ARL6IP5: variants seen among roughly 807,000 people sequenced by gnomAD.
ARL6IP5 encodes the protein PRA1 family protein 3.
A neutral mutation model predicts 13.0 loss-of-function variants in ARL6IP5; 6 were observed. That is an observed-to-expected ratio of 0.46 (90% CI 0.25 to 0.91). The LOEUF (loss-of-function observed/expected upper bound fraction) is 0.91, where lower values mean the gene tolerates loss of function less well. Ranked by LOEUF, ARL6IP5 falls within the 40% of genes least tolerant of loss-of-function variation. The probability of loss-of-function intolerance (pLI) is 0.17; values close to 1 mark genes in which losing one functional copy is unlikely to be tolerated. For synonymous variants in ARL6IP5, 91 were observed against 91.9 expected (o/e 0.99, Z 0.06); for missense variants, 208 against 248.8 (o/e 0.84, Z 1.10).
At chr3:69,101,070 GACTGTAT>G (rs754794927) in intron 1 of ARL6IP5, among the ~76,000 whole-genome samples, 16 of 152,062 alleles carry the variant, frequency 1.1e-4, no homozygotes, top group Non-Finnish European at 2.1e-4. Context: ...ACAAAAATGT[GACTGTAT>G]ACTGGATCTA....
At position 69,105,618 on chromosome 3, in the gene ARL6IP5, G is replaced by A. The variant is rs2092320084; in HGVS notation, c.*982G>A. 6.6e-6 allele frequency: 1 copy of A among 152,170 alleles called. No individual in the cohort carries two copies. The highest frequency in any genetic ancestry group is 2.1e-4 in the South Asian group (1 of 4,832). 9.4% of individuals were successfully genotyped at this position (152,170 alleles called of 1,614,324 possible). On this transcript the variant is annotated 3_prime_UTR_variant, in exon 3 of 3. Transcript: ENST00000273258. ...CCAAGCAAAAAGACTTTAAAAAATGGTAATGAAAATGGAATGCAGCTACTG... is the reference window on the plus strand; with the variant it reads ...CCAAGCAAAAAGACTTTAAAAAATGATAATGAAAATGGAATGCAGCTACTG...
chr3:69,105,915 A>G lies in ARL6IP5; in HGVS notation c.*1279A>G, dbSNP rs1371725110. 2.0e-5 allele frequency: 3 copies of G among 152,196 alleles called. No homozygotes were observed. The highest frequency in any genetic ancestry group is 7.2e-5 in the African/African-American group (3 of 41,454). The allele number at this position is 152,196 out of a possible 1,614,324, so 9.4% of individuals were successfully genotyped here. ...TCTGTATGTCCTAGAATAAGAAGCA[A>G]TGATGTGCTGCTTCTGATTTTTCTT... On this transcript the variant is annotated 3_prime_UTR_variant, in exon 3 of 3. Transcript: ENST00000273258.
At chr3:69,093,157 A>T (rs2092274982) in intron 1 of ARL6IP5, among the ~76,000 whole-genome samples, 1 of 152,170 alleles carries the variant, frequency 6.6e-6, no homozygotes, top group Non-Finnish European at 1.5e-5. Flanking sequence ...AACAAAAGAA[A>T]ATCTGGAGGT....
In ARL6IP5 at chr3:69,105,818, A is replaced by T. The variant is rs1221734082; in HGVS notation, c.*1182A>T. On this transcript the variant is annotated 3_prime_UTR_variant, in exon 3 of 3. Transcript: ENST00000273258. ...TGCCAATTGAATGATTTCGTAGCTG[A>T]AGTAGAAACATTTAGGTTTCTGTAG... The T allele has an allele frequency of 6.6e-6, 1 of 152,220 alleles. No individual in the cohort carries two copies. The highest frequency in any genetic ancestry group is 1.5e-5 in the Non-Finnish European group (1 of 68,036). The allele number at this position is 152,220 out of a possible 1,614,324, so 9.4% of individuals were successfully genotyped here. A position where few individuals can be genotyped will look rare whatever the true frequency, so the allele number is the denominator to read the frequency against.
Position 69,105,175 on chromosome 3 carries a change from C to T in ARL6IP5, c.*539C>T. ...TGATGTGCAGTGGAAACTGGTTAAG[C>T]CAGTTGTTCATACTTCCTTTACAAA... On this transcript the variant is annotated 3_prime_UTR_variant, in exon 3 of 3. Coordinates refer to ENST00000273258, the MANE Select transcript of ARL6IP5 (RefSeq NM_006407.4). 3.1e-6 allele frequency: 1 copy of T among 322,776 alleles called. No homozygotes were observed. Among genetic ancestry groups the T allele is most frequent in the South Asian group, 6.0e-5 (1 of 16,648 alleles). 20.0% of individuals were successfully genotyped at this position (322,776 alleles called of 1,614,324 possible).
intron 1 of ARL6IP5, among the ~76,000 whole-genome samples, 187 bp downstream of exon 1, chr3:69,085,410 T>G (rs1195175394): frequency 6.6e-6 from 1 of 152,220 alleles, no homozygotes; most frequent in Non-Finnish European, 1.5e-5. Context: ...GGGCCCCATT[T>G]TCTGCACCAA....
At position 69,103,037 on chromosome 3, in the gene ARL6IP5, C is replaced by G. The variant is rs142354319; in HGVS notation, c.394+981C>G. Among the ~76,000 whole-genome samples the G allele has an allele frequency of 3.3e-4, 51 of 152,300 alleles. No individual in the cohort carries two copies. The East Asian group carries it at 9.1e-3, about 27-fold the overall frequency. ...CTTTCAATAACATTTGACATGTGCA[C>G]TTATTCCACTAAATGAAATTATTTG... On this transcript the variant is annotated intron_variant, in intron 2 of 2. Coordinates refer to ENST00000273258, the MANE Select transcript of ARL6IP5 (RefSeq NM_006407.4).
rs1414902008 is a variant in ARL6IP5, at chr3:69,105,041, A to G, written c.*405A>G. The stretch of plus-strand genomic sequence containing the variant: ...AAAGGCTGTTAAAGTAGATGACATC[A>G]TGTGTTAGCCTGTTCCTAATCCCCT... On this transcript the variant is annotated 3_prime_UTR_variant, in exon 3 of 3. Transcript: ENST00000273258. The G allele has an allele frequency of 8.2e-6, 5 of 612,814 alleles. No homozygotes were observed. In the Admixed American group the frequency reaches 1.4e-4, roughly 18 times the overall value. 38.0% of individuals were successfully genotyped at this position (612,814 alleles called of 1,614,324 possible).
At position 69,101,858 on chromosome 3, in the gene ARL6IP5, A is replaced by C. The variant is rs1239280702; in HGVS notation, c.196A>C (p.Met66Leu). 6.2e-7 allele frequency: 1 copy of C among 1,613,550 alleles called. No homozygotes were observed. The highest frequency in any genetic ancestry group is 8.5e-7 in the Non-Finnish European group (1 of 1,179,820). ...TTTCAGGTTTCTGAGTCCCTTCAACATGATCCTGGGAGGAATCGTGGTGGT... is the reference window on the plus strand; with the variant it reads ...TTTCAGGTTTCTGAGTCCCTTCAACCTGATCCTGGGAGGAATCGTGGTGGT... ...SIVGFLSPFNMILGGIVVVLV... is the reference protein window; with the variant it reads ...SIVGFLSPFNLILGGIVVVLV... The change falls in exon 2 of 3, where the codon ATG becomes CTG. Residue 66 changes from methionine (M) to leucine (L), a missense_variant. Transcript: ENST00000273258.
rs1392283235 is a variant in ARL6IP5 at position 69,085,014 on chromosome 3, A to G, written c.-34A>G. On this transcript the variant is annotated 5_prime_UTR_variant, in exon 1 of 3. Coordinates refer to ENST00000273258, the MANE Select transcript of ARL6IP5 (RefSeq NM_006407.4). ...ATCGGTTGCCGCCGCCGCCGCCGCC[A>G]GATTCTGGAGGCGAAGAACGCAAAG... 6.2e-7 allele frequency: 1 copy of G among 1,602,716 alleles called. No homozygotes were observed. The highest frequency in any genetic ancestry group is 1.3e-5 in the African/African-American group (1 of 74,662).
In ARL6IP5 at chr3:69,105,166, C is replaced by G. The variant is rs754399448; in HGVS notation, c.*530C>G. ...CCACCTGTTTGATGTGCAGTGGAAA[C>G]TGGTTAAGCCAGTTGTTCATACTTC... On this transcript the variant is annotated 3_prime_UTR_variant, in exon 3 of 3. Transcript: ENST00000273258. The G allele has an allele frequency of 6.5e-5, 22 of 340,276 alleles. No individual in the cohort carries two copies. Among genetic ancestry groups the G allele is most frequent in the Non-Finnish European group, 1.0e-4 (19 of 187,680 alleles). The allele number at this position is 340,276 out of a possible 1,614,324, so 21.1% of individuals were successfully genotyped here. A position where few individuals can be genotyped will look rare whatever the true frequency, so the allele number is the denominator to read the frequency against.
chr3:69,099,353 G>T (rs1226969706), intron 1 of ARL6IP5, among the ~76,000 whole-genome samples: 1 of 152,028 alleles, frequency 6.6e-6, no homozygotes, highest in Non-Finnish European at 1.5e-5. Context: ...CCTGGGCAAT[G>T]AGTGAAACTC....
intron 1 of ARL6IP5, among the ~76,000 whole-genome samples, chr3:69,096,790 G>A (rs1352351219): frequency 6.6e-6 from 1 of 151,874 alleles, no homozygotes; most frequent in Non-Finnish European, 1.5e-5. Flanking sequence ...TTTTAGTAGA[G>A]ACGGGGTTTC....
At chr3:69,096,452 T>C (rs1270262314) in intron 1 of ARL6IP5, among the ~76,000 whole-genome samples, 1 of 152,192 alleles carries the variant, frequency 6.6e-6, no homozygotes, top group Non-Finnish European at 1.5e-5. Context: ...TTTTAATAAG[T>C]ATTCCAGAAT....
chr3:69,103,407 G>A (rs1214480907), intron 2 of ARL6IP5, among the ~76,000 whole-genome samples: 1 of 152,198 alleles, frequency 6.6e-6, no homozygotes, highest in Non-Finnish European at 1.5e-5. Flanking sequence ...AAAGTAAGGA[G>A]ATTAGATAAG....
intron 1 of ARL6IP5, among the ~76,000 whole-genome samples, chr3:69,101,105 T>C (rs1381199082): frequency 6.6e-6 from 1 of 152,164 alleles, no homozygotes; most frequent in African/African-American, 2.4e-5. Context: ...GAGGCCATTA[T>C]GTGGCCTGTA....
At chr3:69,097,328 T>G (rs185337633) in intron 1 of ARL6IP5, among the ~76,000 whole-genome samples, 2 of 150,754 alleles carry the variant, frequency 1.3e-5, no homozygotes, top group Admixed American at 1.3e-4. Context: ...CCTGGCTAAT[T>G]TTTGTGGGGT....
At chr3:69,089,677 C>A in intron 1 of ARL6IP5, 3 of 345,340 alleles carry the variant, frequency 8.7e-6, no homozygotes, top group South Asian at 2.2e-5. Flanking sequence ...GCCATTAGAA[C>A]TCATATTTTC....
chr3:69,103,310 A>G (rs868749700), intron 2 of ARL6IP5, among the ~76,000 whole-genome samples: 10 of 152,238 alleles, frequency 6.6e-5, no homozygotes, highest in African/African-American at 2.4e-4. Context: ...GACAGTTAAG[A>G]GTCCTGATTT....
Sources: gnomAD v4.1 joint callset for allele counts (sites outside exome capture counted in the v4.1 genomes callset) on GRCh38, gnomAD v4.1.1 for gene constraint, MANE v1.5 for transcripts, NCBI Gene and HGNC (gene_info 2026-07-23, HGNC 2026-07-21) for gene names.